Variants in PRR16 observed in about 807,000 individuals in gnomAD.
PRR16 encodes the protein protein Largen.
Under a neutral mutation model 18.2 loss-of-function variants are expected in PRR16, and 6 were observed. That is an observed-to-expected ratio of 0.33 (90% CI 0.18 to 0.65). PRR16 has a LOEUF of 0.65. PRR16 is among the 30% of genes least tolerant of loss of function. The pLI, the probability that PRR16 is intolerant of heterozygous loss-of-function variation, is 0.74. For missense variants in PRR16, 412 were observed against 376.6 expected, an observed-to-expected ratio of 1.09 and a Z score of -0.78; for synonymous variants, 151 against 147.8, an observed-to-expected ratio of 1.02 and a Z score of -0.16.
At chr5:120,738,118 T>C in the PRR16 span, among the ~76,000 whole-genome samples, 1 of 149,116 alleles carries the variant, frequency 6.7e-6, no homozygotes, top group African/African-American at 2.4e-5. Context: ...AAGACATTTC[T>C]GAAAAAAAAG....
the PRR16 span, among the ~76,000 whole-genome samples, chr5:120,767,662 A>T: frequency 8.5e-5 from 13 of 152,056 alleles, 1 homozygote; most frequent in East Asian, 2.5e-3. Context: ...CAAATCACAA[A>T]GGGAAGTTGA....
intron 1 of PRR16, among the ~76,000 whole-genome samples, chr5:120,491,633 T>C (rs570562380): frequency 6.6e-6 from 1 of 152,226 alleles, no homozygotes; most frequent in East Asian, 1.9e-4. Context: ...AACCTCTGCC[T>C]CTCAGGTTCA....
chr5:120,576,392 T>G (rs182842582), intron 1 of PRR16, among the ~76,000 whole-genome samples: 87 of 152,236 alleles, frequency 5.7e-4, no homozygotes, highest in Non-Finnish European at 1.1e-3. Flanking sequence ...GATACATAAG[T>G]GACCAACAAG....
the PRR16 span, among the ~76,000 whole-genome samples, chr5:120,716,346 C>T: frequency 6.6e-6 from 1 of 152,140 alleles, no homozygotes; most frequent in Non-Finnish European, 1.5e-5. Flanking sequence ...TTTAACTCTT[C>T]TCATTTTGCC....
chr5:120,589,376 A>T (rs1753556125), intron 1 of PRR16, among the ~76,000 whole-genome samples: 1 of 152,110 alleles, frequency 6.6e-6, no homozygotes, highest in Non-Finnish European at 1.5e-5. Context: ...CATTTGCTAT[A>T]ACATAGTTTA....
chr5:120,614,085 G>T (rs999622238), intron 1 of PRR16, among the ~76,000 whole-genome samples: 5 of 152,144 alleles, frequency 3.3e-5, no homozygotes, highest in African/African-American at 1.2e-4. Flanking sequence ...TTGATCTCCA[G>T]ATAAATCTGA....
At chr5:120,505,140 C>T (rs1424739565) in intron 1 of PRR16, among the ~76,000 whole-genome samples, 2 of 152,108 alleles carry the variant, frequency 1.3e-5, no homozygotes, top group Non-Finnish European at 2.9e-5. Context: ...TTTCTTTCTT[C>T]TCCCTTTCCA....
At chr5:120,491,011 G>A (rs1035541142) in intron 1 of PRR16, among the ~76,000 whole-genome samples, 1 of 152,154 alleles carries the variant, frequency 6.6e-6, no homozygotes, top group Non-Finnish European at 1.5e-5. Context: ...CATTCCTCTG[G>A]AAGTTTTGTC....
At chr5:120,588,277 G>A (rs915080251) in intron 1 of PRR16, among the ~76,000 whole-genome samples, 3 of 152,200 alleles carry the variant, frequency 2.0e-5, no homozygotes, top group Non-Finnish European at 2.9e-5. Flanking sequence ...AGCTATGGCG[G>A]GGTTTGAAAG....
chr5:120,702,366 C>A, the PRR16 span, among the ~76,000 whole-genome samples: 17 of 151,758 alleles, frequency 1.1e-4, no homozygotes, highest in African/African-American at 3.6e-4. Context: ...GGGGTACTTG[C>A]CCCTCCTGTA....
intron 1 of PRR16, among the ~76,000 whole-genome samples, chr5:120,681,981 A>T (rs1285679459): frequency 6.6e-6 from 1 of 152,186 alleles, no homozygotes; most frequent in East Asian, 1.9e-4. Context: ...TTCAGTTCTG[A>T]AAGTACTAAT....
intron 1 of PRR16, among the ~76,000 whole-genome samples, chr5:120,520,582 A>G (rs1398821860): frequency 1.3e-5 from 2 of 152,160 alleles, no homozygotes; most frequent in African/African-American, 4.8e-5. Context: ...CCGTATTTTA[A>G]CATCTGAAGT....
intron 1 of PRR16, among the ~76,000 whole-genome samples, chr5:120,556,405 A>G (rs900178496): frequency 2.6e-5 from 4 of 151,728 alleles, no homozygotes; most frequent in Non-Finnish European, 5.9e-5. Flanking sequence ...TTTTACGTTG[A>G]TAATTTCCGT....
chr5:120,554,807 A>G (rs1580719253), intron 1 of PRR16, among the ~76,000 whole-genome samples: 1 of 151,922 alleles, frequency 6.6e-6, no homozygotes, highest in South Asian at 2.1e-4. Context: ...GAAGGAAGGA[A>G]CATACCAGAA....
At chr5:120,783,224 T>C in the PRR16 span, among the ~76,000 whole-genome samples, 1 of 152,232 alleles carries the variant, frequency 6.6e-6, no homozygotes, top group African/African-American at 2.4e-5. Flanking sequence ...TCATTTTCAA[T>C]GTGATTTACT....
At chr5:120,687,761 C>T (rs1171426680), downstream of PRR16, among the ~76,000 whole-genome samples, 1 of 152,146 alleles carries the variant, frequency 6.6e-6, no homozygotes, top group African/African-American at 2.4e-5. Context: ...TACCATGGGC[C>T]GTTGCTGTCT....
At chr5:120,650,084 A>G (rs1755724374) in intron 1 of PRR16, among the ~76,000 whole-genome samples, 1 of 151,678 alleles carries the variant, frequency 6.6e-6, no homozygotes, top group Non-Finnish European at 1.5e-5. Context: ...TGGGTGTGGC[A>G]GCGCGCGTCT....
At chr5:120,495,172 C>G (rs1484468441) in intron 1 of PRR16, among the ~76,000 whole-genome samples, 4 of 152,040 alleles carry the variant, frequency 2.6e-5, no homozygotes, top group Middle Eastern at 3.4e-3. Flanking sequence ...TAATTAAAAA[C>G]TTTACAATGT....
intron 1 of PRR16, among the ~76,000 whole-genome samples, chr5:120,507,272 G>A (rs1750676941): frequency 6.6e-6 from 1 of 152,034 alleles, no homozygotes; most frequent in African/African-American, 2.4e-5. Context: ...GCATTTTTAT[G>A]TTATATATAC....
Sources: allele counts gnomAD v4.1 joint callset (sites outside exome capture counted in the v4.1 genomes callset), GRCh38; gene constraint gnomAD v4.1.1; transcripts MANE v1.5; gene names NCBI Gene and HGNC (gene_info 2026-07-23, HGNC 2026-07-21).